AHI1: variants seen among roughly 807,000 people sequenced by gnomAD.
AHI1 encodes jouberin.
AHI1 carries 123 observed loss-of-function variants against 149.3 expected under a neutral mutation model. That is an observed-to-expected ratio of 0.82 (90% CI 0.71 to 0.96). The LOEUF is 0.96. AHI1 is among the 40% of genes least tolerant of loss of function. The pLI, the probability that AHI1 is intolerant of heterozygous loss-of-function variation, is 0.00. For synonymous variants in AHI1, 475 were observed against 459.8 expected (o/e 1.03, Z -0.42); for missense variants, 1,439 against 1,422.7 (o/e 1.01, Z -0.18).
Position 135,357,785 on chromosome 6 carries a change from G to T in AHI1, c.3165+347C>A, listed in dbSNP as rs372041821. On this transcript the variant is annotated intron_variant, in intron 24 of 28. Transcript: ENST00000265602. ...CCTTTTGTTGAGAAGAAGGATAAAA[G>T]ATAAGACTTCAGTTCTATAATAATA... is the stretch of plus-strand genomic sequence containing the variant. Among the ~76,000 whole-genome samples the T allele has an allele frequency of 8.5e-5, 13 of 152,256 alleles. 1 individual carries two copies. The highest frequency in any genetic ancestry group is 1.9e-4 in the East Asian group (1 of 5,192).
intron 23 of AHI1, among the ~76,000 whole-genome samples, chr6:135,367,710 G>GT (rs1422969963): frequency 2.6e-5 from 4 of 151,216 alleles, no homozygotes; most frequent in Non-Finnish European, 2.9e-5. Flanking sequence ...AGTTGTGATT[G>GT]TTTTTTTTCA....
At chr6:135,334,968 C>G (rs1179502051) in intron 24 of AHI1, among the ~76,000 whole-genome samples, 2 of 152,156 alleles carry the variant, frequency 1.3e-5, no homozygotes, top group African/African-American at 4.8e-5. Flanking sequence ...TCTGATGTAC[C>G]TAACGTTTAG....
chr6:135,388,201 C>G (rs543736818), intron 23 of AHI1, among the ~76,000 whole-genome samples: 1 of 152,128 alleles, frequency 6.6e-6, no homozygotes, highest in African/African-American at 2.4e-5. Context: ...ATTGTACCAC[C>G]TGAAACACTG....
At chr6:135,442,103 C>T (rs1786385451) in intron 14 of AHI1, among the ~76,000 whole-genome samples, 1 of 152,096 alleles carries the variant, frequency 6.6e-6, no homozygotes. Context: ...TCTAAAGCAA[C>T]AGAAATAATT....
chr6:135,370,588 A>T (rs933041475), intron 23 of AHI1, among the ~76,000 whole-genome samples: 1 of 152,160 alleles, frequency 6.6e-6, no homozygotes, highest in Non-Finnish European at 1.5e-5. Context: ...GTTCCCATGT[A>T]TTTAAGTGAC....
At position 135,488,465 on chromosome 6, in the gene AHI1, T is replaced by G. The variant is rs540957873; in HGVS notation, c.135+2158A>C. Among the ~76,000 whole-genome samples, 39 of 152,308 alleles carry G rather than the reference T, an allele frequency of 2.6e-4. No homozygotes were observed. In the South Asian group the frequency reaches 7.5e-3, roughly 29 times the overall value. Reference sequence around the variant, plus strand: ...GGAAGCAACTGAAGAACATGAACTTTAAAATTGCAGAGACTGTGGTCTTAA... The same window carrying G: ...GGAAGCAACTGAAGAACATGAACTTGAAAATTGCAGAGACTGTGGTCTTAA... On this transcript the variant is annotated intron_variant, in intron 5 of 28. Coordinates refer to ENST00000265602, the MANE Select transcript of AHI1 (RefSeq NM_001134831.2).
At chr6:135,412,343 G>A (rs1447818150) in intron 20 of AHI1, among the ~76,000 whole-genome samples, 1 of 152,150 alleles carries the variant, frequency 6.6e-6, no homozygotes, top group Non-Finnish European at 1.5e-5. Flanking sequence ...AGCATCCATA[G>A]ATTTTTGGTA....
chr6:135,474,510 C>G (rs1792276857), intron 5 of AHI1: 1 of 150,018 alleles, frequency 6.7e-6, no homozygotes, highest in African/African-American at 2.5e-5. Context: ...TTTTTTTAGA[C>G]TAGTCAAATG....
chr6:135,422,619 TTATGTATGTATGTATG>T (rs71006761), intron 20 of AHI1, among the ~76,000 whole-genome samples: 345 of 147,840 alleles, frequency 2.3e-3, no homozygotes, highest in African/African-American at 8.1e-3. Context: ...AGTTTTATTT[TTATGTATGTATGTATG>T]TATGTATGTA....
chr6:135,400,921 T>C (rs767894349), intron 22 of AHI1, among the ~76,000 whole-genome samples: 4 of 152,204 alleles, frequency 2.6e-5, no homozygotes, highest in Non-Finnish European at 5.9e-5. Flanking sequence ...AAATCATCTT[T>C]GGAGAAAGGC....
intron 21 of AHI1, among the ~76,000 whole-genome samples, chr6:135,405,679 G>A (rs1780665061): frequency 1.3e-5 from 2 of 151,872 alleles, no homozygotes; most frequent in Non-Finnish European, 2.9e-5. Context: ...GGCCAACGTG[G>A]TGAAACCCCA....
At chr6:135,300,898 T>C in intron 26 of AHI1, 2 of 1,011,902 alleles carry the variant, frequency 2.0e-6, no homozygotes, top group Non-Finnish European at 2.4e-6. Flanking sequence ...AAGCTCTAAA[T>C]ATATCTTTTA....
chr6:135,471,144 A>G (rs1791624122), intron 5 of AHI1, among the ~76,000 whole-genome samples: 1 of 152,208 alleles, frequency 6.6e-6, no homozygotes, highest in Non-Finnish European at 1.5e-5. Context: ...ATCAAGAATT[A>G]GAAAGAGAAG....
intron 28 of AHI1, among the ~76,000 whole-genome samples, 156 bp from the exon 29 acceptor site, chr6:135,285,803 T>G (rs1781608560): frequency 6.6e-6 from 1 of 152,264 alleles, no homozygotes; most frequent in African/African-American, 2.4e-5. Context: ...ACCAAAATAC[T>G]AATTTCCTAT....
intron 23 of AHI1, among the ~76,000 whole-genome samples, chr6:135,384,471 A>C (rs546292985): frequency 6.6e-6 from 1 of 152,344 alleles, no homozygotes; most frequent in Non-Finnish European, 1.5e-5. Context: ...ATCTAAATAC[A>C]AATGCCTCTG....
intron 24 of AHI1, among the ~76,000 whole-genome samples, chr6:135,355,677 G>A (rs1290855096): frequency 6.6e-6 from 1 of 152,146 alleles, no homozygotes; most frequent in African/African-American, 2.4e-5. Flanking sequence ...GAGGTGGGCA[G>A]ATCACGAGGT....
At chr6:135,374,760 T>A (rs528313316) in intron 23 of AHI1, among the ~76,000 whole-genome samples, 2 of 152,206 alleles carry the variant, frequency 1.3e-5, no homozygotes, top group African/African-American at 4.8e-5. Flanking sequence ...AAAATACTTC[T>A]GAAAAACACA....
intron 19 of AHI1, among the ~76,000 whole-genome samples, chr6:135,428,178 T>C (rs1784166741): frequency 6.6e-6 from 1 of 151,628 alleles, no homozygotes; most frequent in Non-Finnish European, 1.5e-5. Context: ...AAAACTGAAC[T>C]GCAGTATTTC....
At chr6:135,449,804 T>C (rs1787818035) in intron 11 of AHI1, among the ~76,000 whole-genome samples, 1 of 152,236 alleles carries the variant, frequency 6.6e-6, no homozygotes, top group Non-Finnish European at 1.5e-5. Flanking sequence ...CACATGTGGC[T>C]ACCCTGCACT....
Sources: gnomAD v4.1 joint callset for allele counts (sites outside exome capture counted in the v4.1 genomes callset) on GRCh38, gnomAD v4.1.1 for gene constraint, MANE v1.5 for transcripts, NCBI Gene and HGNC (gene_info 2026-07-23, HGNC 2026-07-21) for gene names.